The following ZNF638 variants were observed in gnomAD, a reference collection of about 807,000 sequenced individuals.
ZNF638 encodes the protein zinc finger protein 638.
A neutral mutation model predicts 195.6 loss-of-function variants in ZNF638; 46 were observed. The ratio of observed to expected loss-of-function variants is 0.24; its 90% CI spans 0.19 to 0.30. ZNF638 has a LOEUF of 0.30. Among genes scored for constraint, ZNF638 ranks in the 10% least tolerant of loss-of-function variants. ZNF638 has a pLI of 1.00. For synonymous variants in ZNF638, 845 were observed against 772.0 expected (o/e 1.09, Z -1.57); for missense variants, 2,440 against 2,325.3 (o/e 1.05, Z -1.01).
rs775260622 is a variant in ZNF638, at chr2:71,396,198, T to G, written c.2428+7T>G. 1 of 1,609,820 alleles carries G rather than the reference T, an allele frequency of 6.2e-7. No homozygotes were observed. Among genetic ancestry groups the G allele is most frequent in the Non-Finnish European group, 8.5e-7 (1 of 1,178,492 alleles). On this transcript the variant is annotated splice_region_variant and intron_variant, in intron 11 of 27. Transcript: ENST00000264447. ...AAAGTAAACAAATCTACAGGTATGT[T>G]TTTTTAATTAGGATTCTAGACTATT...
chr2:71,355,809 A>T (rs367796622), intron 3 of ZNF638, 29 bp downstream of exon 3: 2 of 1,376,312 alleles, frequency 1.5e-6, no homozygotes, highest in African/African-American at 2.9e-5. Context: ...TTTATTATAG[A>T]TAGCATATTT....
intron 11 of ZNF638, among the ~76,000 whole-genome samples, chr2:71,396,574 C>A (rs189651964): frequency 6.6e-6 from 1 of 152,260 alleles, no homozygotes; most frequent in East Asian, 1.9e-4. Context: ...ATAATCCTTT[C>A]CAGTTTTTCT....
rs117125782 is a variant in ZNF638, at chr2:71,349,676, A to C, written c.722A>C (p.Glu241Ala). 2.5e-4 allele frequency: 406 copies of C among 1,614,172 alleles called. 2 individuals carry two copies. The East Asian group carries it at 8.7e-3, about 35-fold the overall frequency. ...ATTCCAACTGATGAGGTCGAGAATG[A>C]ATTTCAGTCACAGCAGAACATTTCT... ...PEIPTDEVEN[E>A]FQSQQNISAS... Residue 241 changes from glutamate (E) to alanine (A), a missense_variant, in exon 2 of 28, where the codon GAA becomes GCA. By Grantham distance (107) the Glu-to-Ala change is moderately radical (BLOSUM62 -1). Coordinates refer to ENST00000264447, the MANE Select transcript of ZNF638 (RefSeq NM_014497.5).
intron 17 of ZNF638, among the ~76,000 whole-genome samples, chr2:71,404,935 T>C (rs751190933): frequency 1.3e-5 from 2 of 152,178 alleles, no homozygotes; most frequent in Non-Finnish European, 2.9e-5. Context: ...GGTAGAAATA[T>C]TATATCCTTT....
At chr2:71,375,945 C>G (rs2079414427) in intron 8 of ZNF638, 1 of 152,172 alleles carries the variant, frequency 6.6e-6, no homozygotes, top group Non-Finnish European at 1.5e-5. Context: ...CCAGAAAGAC[C>G]TAGCTGATCA....
intron 8 of ZNF638, among the ~76,000 whole-genome samples, chr2:71,376,842 C>T (rs995633706): frequency 1.3e-5 from 2 of 152,298 alleles, no homozygotes; most frequent in Admixed American, 1.3e-4. Flanking sequence ...ATAATAACCT[C>T]GACATCCATT....
At position 71,423,151 on chromosome 2, in the gene ZNF638, G is replaced by A; in HGVS notation, c.3637G>A (p.Gly1213Arg). 6.2e-7 allele frequency: 1 copy of A among 1,614,072 alleles called. No individual in the cohort carries two copies. The highest frequency in any genetic ancestry group is 8.5e-7 in the Non-Finnish European group (1 of 1,179,994). ...QMFNSDLEKK[G>R]AEIINPKTAL... is the part of the protein sequence containing the mutation. ...GTTTAACAGTGACTTGGAGAAGAAAGGGGCAGAAATTATTAACCCTAAAAC... is the reference window on the plus strand; with the variant it reads ...GTTTAACAGTGACTTGGAGAAGAAAAGGGCAGAAATTATTAACCCTAAAAC... The change falls in exon 22 of 28, where the codon GGG becomes AGG. Residue 1213 changes from glycine (G) to arginine (R), a missense_variant. By Grantham distance (125) the Gly-to-Arg change is moderately radical. Transcript: ENST00000264447.
Position 71,355,719 on chromosome 2 carries a change from G to A in ZNF638, c.1318G>A (p.Asp440Asn). 6.3e-7 allele frequency: 1 copy of A among 1,588,368 alleles called. No homozygotes were observed. Among genetic ancestry groups the A allele is most frequent in the Non-Finnish European group, 8.6e-7 (1 of 1,164,642 alleles). Residue 440 changes from aspartate (D) to asparagine (N), a missense_variant and splice_region_variant, in exon 3 of 28, where the codon GAT (aspartate) becomes AAT (asparagine). By Grantham distance (23) the Asp-to-Asn change is conservative. Transcript: ENST00000264447. The stretch of plus-strand genomic sequence containing the variant: ...CAACACTTTTCTCCTTTTACAATAG[G>A]ATTGGATTCAGCATCAAAATACATC... ...LCNVECSHLK[D>N]WIQHQNTSTH...
rs146199580 is a variant in ZNF638 at position 71,386,979 on chromosome 2, C to T, written c.2377+6414C>T. On this transcript the variant is annotated intron_variant, in intron 10 of 27. Coordinates refer to ENST00000264447, the MANE Select transcript of ZNF638 (RefSeq NM_014497.5). ...TCTTCCACCTCATCCTCCTGAGTAG[C>T]TGGTATTACAGGCCAGAGACACCTC... is the stretch of plus-strand genomic sequence containing the variant. 2.8e-3 allele frequency among the ~76,000 whole-genome samples: 430 copies of T among 152,072 alleles called. 2 individuals carry two copies. Among genetic ancestry groups the T allele is most frequent in the African/African-American group, 9.1e-3 (376 of 41,470 alleles).
chr2:71,383,453 C>T (rs565912268), intron 10 of ZNF638, among the ~76,000 whole-genome samples: 26 of 152,140 alleles, frequency 1.7e-4, no homozygotes, highest in South Asian at 1.2e-3. Context: ...TTACCTCCCT[C>T]AAGAATGAAA....
chr2:71,405,551 G>C (rs780100721), intron 17 of ZNF638, 50 bp from the exon 18 acceptor site: 1 of 1,147,116 alleles, frequency 8.7e-7, no homozygotes, highest in Non-Finnish European at 1.3e-6. Context: ...GTAAGTATTT[G>C]TATGAGAAAG....
chr2:71,358,531 C>T (rs1307643428), intron 3 of ZNF638, among the ~76,000 whole-genome samples: 1 of 152,200 alleles, frequency 6.6e-6, no homozygotes, highest in Non-Finnish European at 1.5e-5. Context: ...ATCTGGCATC[C>T]TCTGGGTCAG....
Position 71,411,467 on chromosome 2 carries a change from A to AT in ZNF638, c.3261+3225dup, listed in dbSNP as rs1476503004. ...TTTTTTTATTTATTTTTTATTTTTT[A>AT]TTTTTAATTTTTTTTTTTTTATTAT... On this transcript the variant is annotated intron_variant, in intron 20 of 27. Coordinates refer to ENST00000264447, the MANE Select transcript of ZNF638 (RefSeq NM_014497.5). Among the ~76,000 whole-genome samples, 82 of 84,580 alleles carry AT rather than the reference A, an allele frequency of 9.7e-4. 2 individuals carry two copies. Among genetic ancestry groups the AT allele is most frequent in the Admixed American group, 2.4e-3 (15 of 6,296 alleles). The allele number at this position is 84,580 out of a possible 152,430, so 55.5% of individuals were successfully genotyped here.
At chr2:71,348,474 A>G in intron 1 of ZNF638, 3 of 1,023,250 alleles carry the variant, frequency 2.9e-6, no homozygotes, top group Non-Finnish European at 3.5e-6. Flanking sequence ...ATTATGTAAA[A>G]GGAGTTGTAA....
At position 71,360,341 on chromosome 2, in the gene ZNF638, T is replaced by A. The variant is rs368482789; in HGVS notation, c.1380-2812T>A. Among the ~76,000 whole-genome samples the A allele has an allele frequency of 3.9e-5, 6 of 152,232 alleles. No individual in the cohort carries two copies. In the South Asian group the frequency reaches 8.3e-4, roughly 21 times the overall value. On this transcript the variant is annotated intron_variant, in intron 3 of 27. Coordinates refer to ENST00000264447, the MANE Select transcript of ZNF638 (RefSeq NM_014497.5). ...AATTCAGCATGTATCTCCGAAGTAT[T>A]AGGATGTTCTGCATAACCACAATAC...
At chr2:71,401,842 T>G in intron 15 of ZNF638, 114 bp from the exon 16 acceptor site, 1 of 929,174 alleles carries the variant, frequency 1.1e-6, no homozygotes, top group East Asian at 2.9e-5. Context: ...TTTATCAGAC[T>G]TTCCTCAGTA....
At chr2:71,377,025 C>A (rs1156877170) in intron 8 of ZNF638, among the ~76,000 whole-genome samples, 1 of 152,138 alleles carries the variant, frequency 6.6e-6, no homozygotes, top group African/African-American at 2.4e-5. Flanking sequence ...GTAATCCCAG[C>A]ACTTTGGGAG....
At chr2:71,414,062 C>T (rs933071953) in intron 20 of ZNF638, among the ~76,000 whole-genome samples, 2 of 142,770 alleles carry the variant, frequency 1.4e-5, no homozygotes, top group Non-Finnish European at 3.0e-5. Flanking sequence ...GGTACCAGTT[C>T]CTCCTTGTAC....
intron 9 of ZNF638, 41 bp downstream of exon 9, chr2:71,380,321 C>T: frequency 7.1e-7 from 1 of 1,403,458 alleles, no homozygotes; most frequent in Non-Finnish European, 9.7e-7. Context: ...ATGAAATGTG[C>T]ATATGACTTA....
Sources: allele counts gnomAD v4.1 joint callset (sites outside exome capture counted in the v4.1 genomes callset), GRCh38; gene constraint gnomAD v4.1.1; transcripts MANE v1.5; gene names NCBI Gene and HGNC (gene_info 2026-07-23, HGNC 2026-07-21).